The following ETFBKMT variants were observed in gnomAD, a reference collection of about 807,000 sequenced individuals.
The protein encoded by ETFBKMT is electron transfer flavoprotein subunit beta lysine methyltransferase.
In ETFBKMT, 13 loss-of-function variants were observed where a neutral mutation model predicts 18.3. The observed-to-expected ratio is 0.71, with a 90% confidence interval of 0.46 to 1.13. The LOEUF is 1.13. Among genes scored for constraint, ETFBKMT ranks in the 50% most tolerant of loss-of-function variants. The pLI is 0.00. For synonymous variants in ETFBKMT, 84 were observed against 107.9 expected (o/e 0.78, Z 1.37); for missense variants, 293 against 306.2 (o/e 0.96, Z 0.32).
intron 1 of ETFBKMT, among the ~76,000 whole-genome samples, chr12:31,652,204 T>C (rs1179361934): frequency 1.3e-5 from 2 of 152,200 alleles, no homozygotes; most frequent in Admixed American, 6.6e-5. Flanking sequence ...CGGCTGGTCC[T>C]TTCCACTCGC....
At chr12:31,666,355 C>A in intron 3 of ETFBKMT, 138 bp downstream of exon 3, 1 of 920,728 alleles carries the variant, frequency 1.1e-6, no homozygotes, top group Non-Finnish European at 1.6e-6. Context: ...TGCACTGGGA[C>A]ATTATCTGTA....
intron 2 of ETFBKMT, among the ~76,000 whole-genome samples, chr12:31,665,551 AC>A (rs1382799278): frequency 5.3e-5 from 8 of 151,252 alleles, no homozygotes; most frequent in Non-Finnish European, 1.2e-4. Flanking sequence ...GGCTGGGGAG[AC>A]CCTAACCCAG....
At chr12:31,652,828 T>A (rs1223955540) in intron 1 of ETFBKMT, among the ~76,000 whole-genome samples, 2 of 152,208 alleles carry the variant, frequency 1.3e-5, no homozygotes, top group Non-Finnish European at 2.9e-5. Flanking sequence ...AGAGAATGTG[T>A]TATAGATTAT....
In ETFBKMT at chr12:31,670,766, T is replaced by A. The variant is rs975274281; in HGVS notation, c.*2776T>A. The A allele has an allele frequency of 1.3e-5, 2 of 152,214 alleles. No homozygotes were observed. The highest frequency in any genetic ancestry group is 4.8e-5 in the African/African-American group (2 of 41,452). 9.4% of individuals were successfully genotyped at this position (152,214 alleles called of 1,614,324 possible). A position where few individuals can be genotyped will look rare whatever the true frequency, so the allele number is the denominator to read the frequency against. ...ACTTATTCAATGAATATTTGAGTGC[T>A]TATTATATACCAGGCACTGTTCTAG... On this transcript the variant is annotated 3_prime_UTR_variant, in exon 4 of 4. Transcript: ENST00000357721.
intron 1 of ETFBKMT, 186 bp downstream of exon 1, chr12:31,659,975 C>G (rs1309236423): frequency 1.8e-5 from 2 of 109,302 alleles, no homozygotes; most frequent in Non-Finnish European, 3.6e-5. Flanking sequence ...ATGGCGAAAC[C>G]TCGTCTCTAC....
chr12:31,649,181 AT>A (rs1950994565), intron 1 of ETFBKMT, among the ~76,000 whole-genome samples: 1 of 152,184 alleles, frequency 6.6e-6, no homozygotes, highest in Non-Finnish European at 1.5e-5. Flanking sequence ...TAGTTGTTAT[AT>A]TTTTAGGAAA....
chr12:31,664,363 C>A (rs920575695), intron 2 of ETFBKMT, among the ~76,000 whole-genome samples: 3 of 152,080 alleles, frequency 2.0e-5, no homozygotes, highest in Non-Finnish European at 4.4e-5. Context: ...GACAGTGACT[C>A]TTGGATTGAG....
intron 2 of ETFBKMT, among the ~76,000 whole-genome samples, chr12:31,664,666 G>C (rs1355966258): frequency 6.7e-6 from 1 of 148,630 alleles, no homozygotes; most frequent in Non-Finnish European, 1.5e-5. Context: ...GCCCAGGCTG[G>C]AGTGCAATGG....
chr12:31,667,630 C>CA lies in ETFBKMT; in HGVS notation c.446-17_446-16insA. ...CTAGCATATACCAATTCATTTTGTG[C>CA]TTTTTTTTTTTTTAAGTTGCAGGAA... On this transcript the variant is annotated splice_polypyrimidine_tract_variant and intron_variant, in intron 3 of 3. Coordinates refer to ENST00000357721, the MANE Select transcript of ETFBKMT (RefSeq NM_001135863.2). The CA allele has an allele frequency of 1.5e-6, 2 of 1,378,004 alleles. No homozygotes were observed. Among genetic ancestry groups the CA allele is most frequent in the Non-Finnish European group, 2.0e-6 (2 of 1,001,406 alleles). The allele number at this position is 1,378,004 out of a possible 1,614,324, so 85.4% of individuals were successfully genotyped here.
chr12:31,663,732 G>C (rs1951159684), intron 2 of ETFBKMT, among the ~76,000 whole-genome samples: 1 of 152,204 alleles, frequency 6.6e-6, no homozygotes, highest in South Asian at 2.1e-4. Context: ...GTTTGTTATA[G>C]TTCATGGCCT....
At chr12:31,660,816 C>T (rs2139619195) in intron 1 of ETFBKMT, 1 of 152,128 alleles carries the variant, frequency 6.6e-6, no homozygotes, top group East Asian at 1.9e-4. Context: ...ATTCATTAAC[C>T]CCCAGAACTC....
At chr12:31,650,626 C>CTTTTTTTTTTTTTTTTTTTTTTTT (rs543201341) in intron 1 of ETFBKMT, among the ~76,000 whole-genome samples, 4 of 140,640 alleles carry the variant, frequency 2.8e-5, no homozygotes, top group Non-Finnish European at 3.0e-5. Flanking sequence ...AATGACCTGA[C>CTTTTTTTTTTTTTTTTTTTTTTTT]CTTTTTTTTT....
Position 31,672,360 on chromosome 12 carries a change from A to C in ETFBKMT, c.*4370A>C. Reference sequence around the variant, plus strand: ...TTGTTTGGGCCTACTAATTGCTCCAACACTTCTCGGGAATGATCTATAAAA... The same window carrying C: ...TTGTTTGGGCCTACTAATTGCTCCACCACTTCTCGGGAATGATCTATAAAA... On this transcript the variant is annotated 3_prime_UTR_variant, in exon 4 of 4. Transcript: ENST00000357721. The C allele has an allele frequency of 6.3e-7, 1 of 1,574,922 alleles. No homozygotes were observed. Among genetic ancestry groups the C allele is most frequent in the Non-Finnish European group, 8.6e-7 (1 of 1,157,996 alleles).
upstream of ETFBKMT, chr12:31,659,603 A>G (rs1289227630): frequency 6.6e-6 from 1 of 152,182 alleles, no homozygotes; most frequent in Non-Finnish European, 1.5e-5. Context: ...TCCAAATCCC[A>G]AATAATCTCT....
At chr12:31,660,373 T>C (rs915909333) in intron 1 of ETFBKMT, among the ~76,000 whole-genome samples, 2 of 152,126 alleles carry the variant, frequency 1.3e-5, no homozygotes, top group Admixed American at 1.3e-4. Context: ...CTTGTGGGGA[T>C]TTGGATTTTT....
chr12:31,667,630 CTT>C lies in ETFBKMT; in HGVS notation c.446-5_446-4del, dbSNP rs200203445. On this transcript the variant is annotated splice_polypyrimidine_tract_variant and intron_variant, in intron 3 of 3. Coordinates refer to ENST00000357721, the MANE Select transcript of ETFBKMT (RefSeq NM_001135863.2). ...CTAGCATATACCAATTCATTTTGTGCTTTTTTTTTTTTTAAGTTGCAGGAATG... is the reference window on the plus strand; with the variant it reads ...CTAGCATATACCAATTCATTTTGTGCTTTTTTTTTTTAAGTTGCAGGAATG... The C allele has an allele frequency of 6.3e-3, 8,367 of 1,324,920 alleles. No homozygotes were observed. The highest frequency in any genetic ancestry group is 8.0e-3 in the South Asian group (597 of 74,842). The allele number at this position is 1,324,920 out of a possible 1,614,324, so 82.1% of individuals were successfully genotyped here.
chr12:31,651,503 TATTTTTAGTAGA>T (rs1951018046), intron 1 of ETFBKMT, among the ~76,000 whole-genome samples: 3 of 152,070 alleles, frequency 2.0e-5, no homozygotes, highest in African/African-American at 7.2e-5. Flanking sequence ...CTAATTTTTG[TATTTTTAGTAGA>T]GACGGGGTTT....
At position 31,670,770 on chromosome 12, in the gene ETFBKMT, T is replaced by C. The variant is rs562164328; in HGVS notation, c.*2780T>C. ...ATTCAATGAATATTTGAGTGCTTAT[T>C]ATATACCAGGCACTGTTCTAGGCAC... On this transcript the variant is annotated 3_prime_UTR_variant, in exon 4 of 4. Transcript: ENST00000357721. The C allele has an allele frequency of 1.1e-3, 175 of 152,314 alleles. No homozygotes were observed. The highest frequency in any genetic ancestry group is 4.1e-3 in the African/African-American group (170 of 41,558). The allele number at this position is 152,314 out of a possible 1,614,324, so 9.4% of individuals were successfully genotyped here.
Position 31,668,837 on chromosome 12 carries a change from T to G in ETFBKMT, c.*847T>G, listed in dbSNP as rs752717924. 3.3e-5 allele frequency: 5 copies of G among 152,204 alleles called. No individual in the cohort carries two copies. Among genetic ancestry groups the G allele is most frequent in the African/African-American group, 7.2e-5 (3 of 41,458 alleles). The allele number at this position is 152,204 out of a possible 1,614,324, so 9.4% of individuals were successfully genotyped here. On this transcript the variant is annotated 3_prime_UTR_variant, in exon 4 of 4. Coordinates refer to ENST00000357721, the MANE Select transcript of ETFBKMT (RefSeq NM_001135863.2). ...ATCACTTCCTTTTGATTTTTTCTTA[T>G]AGCTTCTATCTCTGCTTACGTCACC...
Sources: allele counts gnomAD v4.1 joint callset (sites outside exome capture counted in the v4.1 genomes callset), GRCh38; gene constraint gnomAD v4.1.1; transcripts MANE v1.5; gene names NCBI Gene and HGNC (gene_info 2026-07-23, HGNC 2026-07-21).